The following FAM89A variants were observed in gnomAD, a reference collection of about 807,000 sequenced individuals.
FAM89A encodes protein FAM89A.
A neutral mutation model predicts 7.1 loss-of-function variants in FAM89A; 10 were observed. The observed-to-expected ratio is 1.40, with a 90% CI of 0.86 to 2.38. FAM89A has a LOEUF of 2.38. Ranked by LOEUF, FAM89A falls within the 30% of genes most tolerant of loss-of-function variation. The pLI is 0.00. For missense variants in FAM89A, 276 were observed against 262.8 expected (o/e 1.05, Z -0.35); for synonymous variants, 157 against 129.3 (o/e 1.21, Z -1.45).
chr1:231,036,305 C>T (rs1350682483), intron 1 of FAM89A, among the ~76,000 whole-genome samples: 3 of 152,136 alleles, frequency 2.0e-5, no homozygotes, highest in African/African-American at 7.2e-5. Context: ...GTGTGATAAG[C>T]CCCTTAACAT....
At chr1:231,026,763 C>T (rs1443587054) in intron 1 of FAM89A, 4 of 152,194 alleles carry the variant, frequency 2.6e-5, no homozygotes, top group Non-Finnish European at 4.4e-5. Flanking sequence ...CATCTGGATG[C>T]CATCAACATG....
Position 231,020,132 on chromosome 1 carries a change from G to A in FAM89A, c.292-6C>T. 6.3e-7 allele frequency: 1 copy of A among 1,599,324 alleles called. No individual in the cohort carries two copies. The highest frequency in any genetic ancestry group is 8.5e-7 in the Non-Finnish European group (1 of 1,169,986). On this transcript the variant is annotated splice_polypyrimidine_tract_variant and splice_region_variant and intron_variant, in intron 1 of 1. Transcript: ENST00000366654. ...TCCAGCTGGCGGAGACCAACCTTGA[G>A]GGAAGGGGTGGGGAGGTAAAAAACG...
chr1:231,027,247 C>T (rs531299662), intron 1 of FAM89A, among the ~76,000 whole-genome samples: 3 of 152,232 alleles, frequency 2.0e-5, no homozygotes, highest in African/African-American at 7.2e-5. Context: ...GGCAGGGAGT[C>T]GAAAGCAAAG....
At chr1:231,021,644 A>T in intron 1 of FAM89A, 1 of 1,554,504 alleles carries the variant, frequency 6.4e-7, no homozygotes, top group East Asian at 2.3e-5. Flanking sequence ...TGGAGCAATA[A>T]ATTCTAGACA....
Position 231,040,116 on chromosome 1 carries a change from G to T in FAM89A, c.96C>A (p.Ser32Arg), listed in dbSNP as rs1401688603. 4 of 1,406,816 alleles carry T rather than the reference G, an allele frequency of 2.8e-6. No homozygotes were observed. Among genetic ancestry groups the T allele is most frequent in the Middle Eastern group, 5.2e-4 (2 of 3,862 alleles). The allele number at this position is 1,406,816 out of a possible 1,614,324, so 87.1% of individuals were successfully genotyped here. The change falls in exon 1 of 2, where the codon AGC becomes AGA. Residue 32 changes from serine (S) to arginine (R), a missense_variant. Coordinates refer to ENST00000366654, the MANE Select transcript of FAM89A (RefSeq NM_198552.3). ...CGCCCGACGCCGAGTGCAGCAGCCC[G>T]CTCAAGCTCTTTGGCAGCGGGGGCA... ...DGLPPLPKSL[S>R]GLLHSASGGG... is the part of the protein sequence containing the mutation.
rs1039470730 is a variant in FAM89A at position 231,021,666 on chromosome 1, G to A, written c.292-1540C>T. Reference sequence around the variant, plus strand: ...ATAAATTCTAGACAAGCCCAGAAGCGAACACGGGAAGCAACCTCCACCCCT... The same window carrying A: ...ATAAATTCTAGACAAGCCCAGAAGCAAACACGGGAAGCAACCTCCACCCCT... On this transcript the variant is annotated intron_variant, in intron 1 of 1. Coordinates refer to ENST00000366654, the MANE Select transcript of FAM89A (RefSeq NM_198552.3). 22 of 1,568,420 alleles carry A rather than the reference G, an allele frequency of 1.4e-5. No individual in the cohort carries two copies. In the Admixed American group the frequency reaches 1.8e-4, roughly 13 times the overall value.
intron 1 of FAM89A, among the ~76,000 whole-genome samples, chr1:231,030,946 C>CA (rs1680056371): frequency 1.3e-5 from 2 of 152,148 alleles, no homozygotes; most frequent in South Asian, 4.1e-4. Flanking sequence ...TCTATCTCCA[C>CA]AAAAAATATA....
chr1:231,035,844 T>C (rs1021151481), intron 1 of FAM89A, among the ~76,000 whole-genome samples: 1 of 152,226 alleles, frequency 6.6e-6, no homozygotes, highest in Non-Finnish European at 1.5e-5. Context: ...CAAACTGTCC[T>C]TTCTTTAGAG....
intron 1 of FAM89A, among the ~76,000 whole-genome samples, chr1:231,030,925 C>T (rs969521316): frequency 3.9e-5 from 6 of 152,156 alleles, no homozygotes; most frequent in African/African-American, 1.4e-4. Context: ...GCCTGGACAA[C>T]ATGGCAAAAC....
rs778107930 is a variant in FAM89A at position 231,020,046 on chromosome 1, T to C, written c.372A>G (p.Ala124=). The part of the protein sequence containing the change: ...LYESIQEYKG[A]CQAASSPDCT... ...AGTCTGGGCTGGAGGCTGCCTGGCA[T>C]GCCCCCTTGTACTCCTGAATCGACT... is the stretch of plus-strand genomic sequence containing the variant. Residue 124 remains alanine, a synonymous_variant, in exon 2 of 2, where the codon GCA becomes GCG. Transcript: ENST00000366654. The C allele has an allele frequency of 1.2e-6, 2 of 1,614,118 alleles. No individual in the cohort carries two copies. Among genetic ancestry groups the C allele is most frequent in the South Asian group, 2.2e-5 (2 of 91,078 alleles).
At chr1:231,028,064 C>G (rs534721757) in intron 1 of FAM89A, among the ~76,000 whole-genome samples, 1 of 152,320 alleles carries the variant, frequency 6.6e-6, no homozygotes, top group East Asian at 1.9e-4. Context: ...TCAGTGAAAA[C>G]GCCTGGCTGC....
At chr1:231,020,957 C>G (rs1233035190) in intron 1 of FAM89A, among the ~76,000 whole-genome samples, 1 of 152,160 alleles carries the variant, frequency 6.6e-6, no homozygotes, top group Non-Finnish European at 1.5e-5. Flanking sequence ...AAAGAGAGAA[C>G]AGTTAAGCCT....
chr1:231,021,428 C>T (rs767060524), intron 1 of FAM89A, among the ~76,000 whole-genome samples: 1 of 152,204 alleles, frequency 6.6e-6, no homozygotes, highest in Non-Finnish European at 1.5e-5. Context: ...CCGGTGGCAG[C>T]GCCTGCAGAC....
At chr1:231,022,555 C>T (rs562480729) in intron 1 of FAM89A, among the ~76,000 whole-genome samples, 1 of 152,256 alleles carries the variant, frequency 6.6e-6, no homozygotes, top group East Asian at 1.9e-4. Context: ...GTCTGCCGGT[C>T]GACCAATCTG....
At position 231,024,549 on chromosome 1, in the gene FAM89A, C is replaced by CACACACACACA. The variant is rs879412001; in HGVS notation, c.292-4424_292-4423insTGTGTGTGTGT. Among the ~76,000 whole-genome samples, 26 of 150,072 alleles carry CACACACACACA rather than the reference C, an allele frequency of 1.7e-4. No homozygotes were observed. The East Asian group carries it at 4.7e-3, about 27-fold the overall frequency. On this transcript the variant is annotated intron_variant, in intron 1 of 1. Coordinates refer to ENST00000366654, the MANE Select transcript of FAM89A (RefSeq NM_198552.3). ...ACACACACACACACACACACACACA[C>CACACACACACA]ATTTAGAGATGGAGTCTTGCTTTGT...
In FAM89A at chr1:231,019,223, C is replaced by G. The variant is rs1004024011; in HGVS notation, c.*640G>C. ...ACATGTCTTCGTATTATCTTCCTTCCTCTCGTATCTGATAGACAAAGAATG... is the reference window on the plus strand; with the variant it reads ...ACATGTCTTCGTATTATCTTCCTTCGTCTCGTATCTGATAGACAAAGAATG... On this transcript the variant is annotated 3_prime_UTR_variant, in exon 2 of 2. Coordinates refer to ENST00000366654, the MANE Select transcript of FAM89A (RefSeq NM_198552.3). 1.3e-5 allele frequency: 2 copies of G among 148,416 alleles called. No individual in the cohort carries two copies. Among genetic ancestry groups the G allele is most frequent in the African/African-American group, 5.0e-5 (2 of 40,164 alleles). 9.2% of individuals were successfully genotyped at this position (148,416 alleles called of 1,614,324 possible).
At chr1:231,032,069 T>G (rs1161747531) in intron 1 of FAM89A, among the ~76,000 whole-genome samples, 2 of 152,238 alleles carry the variant, frequency 1.3e-5, no homozygotes, top group Non-Finnish European at 2.9e-5. Context: ...TGATTCAATT[T>G]GGACTACTTT....
rs1679822356 is a variant in FAM89A, at chr1:231,019,061, G to T, written c.*802C>A. 6.6e-6 allele frequency: 1 copy of T among 152,134 alleles called. No homozygotes were observed. Among genetic ancestry groups the T allele is most frequent in the African/African-American group, 2.4e-5 (1 of 41,412 alleles). The allele number at this position is 152,134 out of a possible 1,614,324, so 9.4% of individuals were successfully genotyped here. On this transcript the variant is annotated 3_prime_UTR_variant, in exon 2 of 2. Transcript: ENST00000366654. The stretch of plus-strand genomic sequence containing the variant: ...GCTTAAGGTAATTACTGGTTTGAGT[G>T]GCGGGTGGTTTGCTTTCTAGCACAC...
chr1:231,020,076 G>A lies in FAM89A; in HGVS notation c.342C>T (p.Leu114=). The A allele has an allele frequency of 6.2e-7, 1 of 1,614,078 alleles. No homozygotes were observed. The highest frequency in any genetic ancestry group is 8.5e-7 in the Non-Finnish European group (1 of 1,180,010). The change falls in exon 2 of 2, where the codon CTC becomes CTT. Residue 114 remains leucine, a synonymous_variant. Transcript: ENST00000366654. ...CCTTGTACTCCTGAATCGACTCGTA[G>A]AGGCTGTACAGTTGGCAGAGCAAGG... ...DMSLLCQLYS[L]YESIQEYKGA...
Sources: allele counts gnomAD v4.1 joint callset (sites outside exome capture counted in the v4.1 genomes callset), GRCh38; gene constraint gnomAD v4.1.1; transcripts MANE v1.5; gene names NCBI Gene and HGNC (gene_info 2026-07-23, HGNC 2026-07-21).